CSMD3: variants seen among roughly 807,000 people sequenced by gnomAD.
CSMD3 encodes CUB and sushi domain-containing protein 3.
Under a neutral mutation model 435.2 loss-of-function variants are expected in CSMD3, and 177 were observed. That is an observed-to-expected ratio of 0.41 (90% CI 0.36 to 0.46). CSMD3 has a LOEUF of 0.46. Among genes scored for constraint, CSMD3 ranks in the 20% least tolerant of loss-of-function variants. CSMD3 has a pLI of 0.34. For missense variants in CSMD3, 4,265 were observed against 4,504.6 expected, an observed-to-expected ratio of 0.95 and a Z score of 1.52; for synonymous variants, 1,656 against 1,520.5, an observed-to-expected ratio of 1.09 and a Z score of -2.07.
chr8:112,689,843 T>C lies in CSMD3; in HGVS notation c.2155+25A>G, dbSNP rs2076093528. The C allele has an allele frequency of 3.1e-6, 5 of 1,600,524 alleles. No individual in the cohort carries two copies. The East Asian group carries it at 6.7e-5, about 21-fold the overall frequency. ...CAAGGACAGGGTAACATATGCTATC[T>C]GGAAGCAAAGCATTTGGTACTCACA... On this transcript the variant is annotated intron_variant, in intron 14 of 70. Transcript: ENST00000297405.
intron 32 of CSMD3, among the ~76,000 whole-genome samples, chr8:112,445,142 C>T (rs1223836433): frequency 6.6e-6 from 1 of 152,042 alleles, no homozygotes; most frequent in Non-Finnish European, 1.5e-5. Flanking sequence ...ACTCGAGAGG[C>T]TGAGACACGA....
chr8:113,030,163 T>A (rs1247408373), intron 5 of CSMD3, among the ~76,000 whole-genome samples: 1 of 151,336 alleles, frequency 6.6e-6, no homozygotes, highest in Non-Finnish European at 1.5e-5. Context: ...CCCATGCTCA[T>A]GGATGGGTGG....
chr8:112,511,731 G>C (rs1418992069), intron 28 of CSMD3, among the ~76,000 whole-genome samples: 1 of 152,084 alleles, frequency 6.6e-6, no homozygotes, highest in Non-Finnish European at 1.5e-5. Context: ...GTCTGCCGTA[G>C]TACTGGATTT....
intron 4 of CSMD3, among the ~76,000 whole-genome samples, chr8:113,147,490 C>A (rs1381935466): frequency 1.3e-5 from 2 of 151,564 alleles, no homozygotes; most frequent in South Asian, 4.2e-4. Flanking sequence ...TATTTTGGAT[C>A]TCTCCATTAT....
intron 11 of CSMD3, among the ~76,000 whole-genome samples, chr8:112,853,897 T>C (rs1039969986): frequency 1.3e-5 from 2 of 152,082 alleles, no homozygotes; most frequent in Non-Finnish European, 2.9e-5. Flanking sequence ...TTTTTTTTTC[T>C]TTAGTGGATG....
intron 35 of CSMD3, among the ~76,000 whole-genome samples, chr8:112,406,033 T>C (rs987367187): frequency 9.9e-5 from 15 of 152,054 alleles, no homozygotes; most frequent in Non-Finnish European, 2.2e-4. Context: ...AAGAGTATAA[T>C]TGGATTGTCG....
Position 113,278,309 on chromosome 8 carries a change from G to A in CSMD3, c.514+283C>T, listed in dbSNP as rs2098225193. Among the ~76,000 whole-genome samples, 3 of 151,778 alleles carry A rather than the reference G, an allele frequency of 2.0e-5. No individual in the cohort carries two copies. In the South Asian group the frequency reaches 6.2e-4, roughly 31 times the overall value. ...CTGTAGGGTAGGGTCTGTGATGCCT[G>A]ACACACAAATCAGGTCTAGAGTCCT... On this transcript the variant is annotated intron_variant, in intron 3 of 70. Coordinates refer to ENST00000297405, the MANE Select transcript of CSMD3 (RefSeq NM_198123.2).
intron 11 of CSMD3, among the ~76,000 whole-genome samples, chr8:112,844,104 A>T (rs1467886007): frequency 6.6e-6 from 1 of 151,932 alleles, no homozygotes; most frequent in Non-Finnish European, 1.5e-5. Context: ...TATTCATACA[A>T]TTAATAGGAG....
intron 13 of CSMD3, among the ~76,000 whole-genome samples, chr8:112,773,420 T>A (rs564024824): frequency 6.6e-5 from 10 of 152,118 alleles, no homozygotes; most frequent in Admixed American, 5.9e-4. Context: ...TTCTAATAAA[T>A]CTTTTTGTTA....
At chr8:113,164,821 A>T (rs748940873) in intron 4 of CSMD3, among the ~76,000 whole-genome samples, 1 of 152,144 alleles carries the variant, frequency 6.6e-6, no homozygotes, top group Non-Finnish European at 1.5e-5. Flanking sequence ...CTCCCCAGTG[A>T]TTGCTGTAAA....
At chr8:113,086,205 C>T (rs199766910) in intron 5 of CSMD3, among the ~76,000 whole-genome samples, 27 of 150,674 alleles carry the variant, frequency 1.8e-4, no homozygotes, top group Admixed American at 1.5e-3. Context: ...GCCGAGATCG[C>T]GCCACTGCAC....
chr8:113,099,875 G>A (rs1172306795), intron 4 of CSMD3, among the ~76,000 whole-genome samples: 1 of 152,096 alleles, frequency 6.6e-6, no homozygotes, highest in Non-Finnish European at 1.5e-5. Context: ...AAGTTCACTT[G>A]TGAAATAAAT....
At chr8:113,028,776 C>G (rs2086970998) in intron 5 of CSMD3, among the ~76,000 whole-genome samples, 1 of 151,424 alleles carries the variant, frequency 6.6e-6, no homozygotes, top group Non-Finnish European at 1.5e-5. Flanking sequence ...AAATCTGAAG[C>G]TATCAGAGGT....
At chr8:112,733,941 G>A (rs1057247415) in intron 13 of CSMD3, among the ~76,000 whole-genome samples, 12 of 151,938 alleles carry the variant, frequency 7.9e-5, no homozygotes, top group African/African-American at 2.7e-4. Context: ...ATGGACATGA[G>A]AAAATGTATG....
chr8:112,754,212 A>T (rs1247997608), intron 13 of CSMD3, among the ~76,000 whole-genome samples: 2 of 152,166 alleles, frequency 1.3e-5, no homozygotes, highest in African/African-American at 4.8e-5. Flanking sequence ...TTTAAAAAGA[A>T]AAAACTGCTG....
At chr8:112,543,058 G>T (rs1424985543) in intron 27 of CSMD3, among the ~76,000 whole-genome samples, 1 of 151,986 alleles carries the variant, frequency 6.6e-6, no homozygotes, top group Non-Finnish European at 1.5e-5. Context: ...AGCAAAAAAT[G>T]AAATTAGACC....
intron 1 of CSMD3, among the ~76,000 whole-genome samples, chr8:113,321,000 A>G (rs2093945627): frequency 6.6e-6 from 1 of 151,946 alleles, no homozygotes; most frequent in Non-Finnish European, 1.5e-5. Flanking sequence ...TCTTAAATCT[A>G]TCTCTAGTCC....
chr8:112,588,710 A>C lies in CSMD3; in HGVS notation c.3716-1475T>G, dbSNP rs192036581. 8.9e-4 allele frequency among the ~76,000 whole-genome samples: 136 copies of C among 152,268 alleles called. 1 individual carries two copies. Among genetic ancestry groups the C allele is most frequent in the Non-Finnish European group, 4.3e-4 (29 of 68,004 alleles). On this transcript the variant is annotated intron_variant, in intron 22 of 70. Coordinates refer to ENST00000297405, the MANE Select transcript of CSMD3 (RefSeq NM_198123.2). ...CGCCTTTGGCAATGTGGATCAGGTA[A>C]CAGCTGCTCCAGTGTAGGCTTTTGA... is the stretch of plus-strand genomic sequence containing the variant.
In CSMD3 at chr8:112,636,960, C is replaced by T. The variant is rs1441385922; in HGVS notation, c.3572G>A (p.Gly1191Asp). ...PCEDPGIPQY[G>D]SRIGFNFGIG... is the part of the protein sequence containing the mutation. Reference sequence around the variant, plus strand: ...CCCAAAGTTGAACCCGATTCGACTACCATATTGAGGAATGCCAGGATCTTC... The same window carrying T: ...CCCAAAGTTGAACCCGATTCGACTATCATATTGAGGAATGCCAGGATCTTC... Residue 1191 changes from glycine to aspartate, a missense_variant, in exon 22 of 71, where the codon GGT becomes GAT. By Grantham distance (94) the Gly-to-Asp change is moderately conservative (BLOSUM62 -1). Coordinates refer to ENST00000297405, the MANE Select transcript of CSMD3 (RefSeq NM_198123.2). 6.2e-7 allele frequency: 1 copy of T among 1,613,500 alleles called. No individual in the cohort carries two copies. The highest frequency in any genetic ancestry group is 8.5e-7 in the Non-Finnish European group (1 of 1,179,742).
Sources: allele counts gnomAD v4.1 joint callset (sites outside exome capture counted in the v4.1 genomes callset), GRCh38; gene constraint gnomAD v4.1.1; transcripts MANE v1.5; gene names NCBI Gene and HGNC (gene_info 2026-07-23, HGNC 2026-07-21).